The following RBFOX1 variants were observed in gnomAD, a reference collection of about 807,000 sequenced individuals.
RBFOX1 encodes the protein RNA binding fox-1 homolog 1.
A neutral mutation model predicts 57.7 loss-of-function variants in RBFOX1; 8 were observed. The observed-to-expected ratio is 0.14, with a 90% CI of 0.08 to 0.25. RBFOX1 has a LOEUF of 0.25. RBFOX1 is among the 10% of genes least tolerant of loss of function. The pLI, the probability that RBFOX1 is intolerant of heterozygous loss-of-function variation, is 1.00. For missense variants in RBFOX1, 611 were observed against 548.5 expected (o/e 1.11, Z -1.14); for synonymous variants, 326 against 222.4 (o/e 1.47, Z -4.15).
chr16:7,240,219 G>C (rs56032816), intron 4 of RBFOX1, among the ~76,000 whole-genome samples: 5 of 151,862 alleles, frequency 3.3e-5, no homozygotes, highest in African/African-American at 1.2e-4. Context: ...CTCCCGCCTC[G>C]GCCTCCCAAA....
At chr16:5,522,777 G>A (rs764560228) in intron 2 of RBFOX1, among the ~76,000 whole-genome samples, 15 of 152,142 alleles carry the variant, frequency 9.9e-5, no homozygotes, top group Non-Finnish European at 1.9e-4. Context: ...TGAAATAGGA[G>A]TAAGAATGCG....
intron 8 of RBFOX1, among the ~76,000 whole-genome samples, chr16:7,596,382 C>G (rs971741292): frequency 6.6e-6 from 1 of 151,198 alleles, no homozygotes; most frequent in Non-Finnish European, 1.5e-5. Context: ...TTTTTAATAC[C>G]AGTTACAAAT....
chr16:7,293,323 T>C (rs2095830609), intron 4 of RBFOX1, among the ~76,000 whole-genome samples: 1 of 152,164 alleles, frequency 6.6e-6, no homozygotes, highest in Admixed American at 6.5e-5. Context: ...ATGTGTAGGT[T>C]ATAAGCAAAT....
At chr16:6,495,682 C>A (rs900889211) in intron 2 of RBFOX1, among the ~76,000 whole-genome samples, 2 of 152,174 alleles carry the variant, frequency 1.3e-5, no homozygotes, top group Non-Finnish European at 2.9e-5. Flanking sequence ...GCTTTTGGAT[C>A]TCCAAGACGT....
chr16:5,745,661 T>G (rs2052952029), intron 3 of RBFOX1, among the ~76,000 whole-genome samples: 2 of 152,232 alleles, frequency 1.3e-5, no homozygotes, highest in Admixed American at 1.3e-4. Flanking sequence ...GGTATCTCAT[T>G]GTGGTTTGAT....
intron 1 of RBFOX1, among the ~76,000 whole-genome samples, chr16:5,452,852 C>G (rs1002801045): frequency 6.6e-6 from 1 of 151,846 alleles, no homozygotes; most frequent in African/African-American, 2.4e-5. Context: ...TCAGGCTGGC[C>G]TCGAGTTCCT....
At chr16:5,320,746 C>T (rs988244426) in intron 1 of RBFOX1, among the ~76,000 whole-genome samples, 3 of 152,146 alleles carry the variant, frequency 2.0e-5, no homozygotes, top group Admixed American at 1.3e-4. Context: ...GGTTTCCTGG[C>T]CACCCTTGAT....
At chr16:6,765,512 C>T (rs1236869060) in intron 3 of RBFOX1, among the ~76,000 whole-genome samples, 2 of 146,250 alleles carry the variant, frequency 1.4e-5, no homozygotes, top group Non-Finnish European at 3.1e-5. Context: ...CACATGTACA[C>T]CTCAACTTAA....
At chr16:6,315,640 G>A (rs2081023806) in intron 1 of RBFOX1, among the ~76,000 whole-genome samples, 1 of 152,128 alleles carries the variant, frequency 6.6e-6, no homozygotes, top group South Asian at 2.1e-4. Context: ...GTTGACACTA[G>A]CCCATGAGAT....
At chr16:5,915,561 G>A (rs1385840057) in intron 4 of RBFOX1, among the ~76,000 whole-genome samples, 3 of 152,132 alleles carry the variant, frequency 2.0e-5, no homozygotes, top group Non-Finnish European at 4.4e-5. Flanking sequence ...GCTGGGCGCC[G>A]TGGCTCATGC....
At chr16:5,377,587 G>GA (rs2066019039) in intron 1 of RBFOX1, among the ~76,000 whole-genome samples, 1 of 147,574 alleles carries the variant, frequency 6.8e-6, no homozygotes, top group Non-Finnish European at 1.5e-5. Context: ...GGAGATGGGG[G>GA]GAGAGAGAGA....
chr16:7,192,749 A>G (rs1002743167), intron 4 of RBFOX1, among the ~76,000 whole-genome samples: 30 of 152,216 alleles, frequency 2.0e-4, no homozygotes, highest in African/African-American at 7.0e-4. Flanking sequence ...GGAGTGCTCT[A>G]TATTATTTTT....
intron 2 of RBFOX1, among the ~76,000 whole-genome samples, chr16:6,421,283 G>A (rs763572727): frequency 6.6e-6 from 1 of 152,208 alleles, no homozygotes; most frequent in Non-Finnish European, 1.5e-5. Flanking sequence ...CTCTCTATGG[G>A]AGAAGGAGTC....
chr16:7,067,604 A>G (rs1050511711), intron 4 of RBFOX1, among the ~76,000 whole-genome samples: 1 of 151,920 alleles, frequency 6.6e-6, no homozygotes, highest in African/African-American at 2.4e-5. Context: ...TTACGTATGT[A>G]TACATGTGCC....
chr16:7,413,269 C>G lies in RBFOX1; in HGVS notation c.28-104878C>G, dbSNP rs2098447190. 2.0e-5 allele frequency among the ~76,000 whole-genome samples: 3 copies of G among 152,040 alleles called. No individual in the cohort carries two copies. In the South Asian group the frequency reaches 6.2e-4, roughly 32 times the overall value. ...ACCTCTTTGTGCCTCAACACTGATT[C>G]TCGCCTGTAAACCATTCCTCTCCCC... is the stretch of plus-strand genomic sequence containing the variant. On this transcript the variant is annotated intron_variant, in intron 4 of 15. Coordinates refer to ENST00000550418, the MANE Select transcript of RBFOX1 (RefSeq NM_018723.4).
At chr16:7,511,007 C>G (rs1032124184) in intron 4 of RBFOX1, among the ~76,000 whole-genome samples, 11 of 152,138 alleles carry the variant, frequency 7.2e-5, no homozygotes, top group African/African-American at 2.7e-4. Flanking sequence ...GGAGGGTGTG[C>G]TCAAGAAGTT....
intron 4 of RBFOX1, among the ~76,000 whole-genome samples, chr16:7,410,545 G>A (rs948560394): frequency 6.6e-6 from 1 of 152,166 alleles, no homozygotes; most frequent in Non-Finnish European, 1.5e-5. Context: ...GCTGGGAGTG[G>A]TGGTGCGTGC....
chr16:6,036,556 T>C (rs984277356), intron 1 of RBFOX1, among the ~76,000 whole-genome samples: 1 of 152,116 alleles, frequency 6.6e-6, no homozygotes, highest in Non-Finnish European at 1.5e-5. Flanking sequence ...TCTAAGAAAA[T>C]AGAGAAAAAT....
At chr16:6,411,336 T>A (rs1314138289) in intron 2 of RBFOX1, among the ~76,000 whole-genome samples, 2 of 152,226 alleles carry the variant, frequency 1.3e-5, no homozygotes, top group Non-Finnish European at 2.9e-5. Flanking sequence ...AAGAGCCATG[T>A]GCTGTACATA....
Sources: allele counts gnomAD v4.1 joint callset (sites outside exome capture counted in the v4.1 genomes callset), GRCh38; gene constraint gnomAD v4.1.1; transcripts MANE v1.5; gene names NCBI Gene and HGNC (gene_info 2026-07-23, HGNC 2026-07-21).